The following DDX42 variants were observed in gnomAD, a reference collection of about 807,000 sequenced individuals.
The protein encoded by DDX42 is DEAD-box helicase 42, also known as ATP-dependent RNA helicase DDX42.
A neutral mutation model predicts 101.5 loss-of-function variants in DDX42; 22 were observed. The ratio of observed to expected loss-of-function variants is 0.22; its 90% confidence interval spans 0.15 to 0.31. The LOEUF is 0.31. DDX42 is among the 10% of genes least tolerant of loss of function. DDX42 has a pLI of 1.00. For missense variants in DDX42, 849 were observed against 1,199.9 expected, an observed-to-expected ratio of 0.71 and a Z score of 4.32; for synonymous variants, 402 against 401.2, an observed-to-expected ratio of 1.00 and a Z score of -0.02.
intron 1 of DDX42, among the ~76,000 whole-genome samples, chr17:63,785,683 G>T (rs2039539993): frequency 6.6e-6 from 1 of 151,886 alleles, no homozygotes; most frequent in Admixed American, 6.6e-5. Flanking sequence ...TTTTATGAAT[G>T]CACAAGAAAT....
At position 63,818,490 on chromosome 17, in the gene DDX42, T is replaced by C; in HGVS notation, c.*92T>C. On this transcript the variant is annotated 3_prime_UTR_variant, in exon 18 of 18. Coordinates refer to ENST00000389924, the MANE Select transcript of DDX42 (RefSeq NM_203499.3). ...CTCAGGGCTGGGTTGGGGTCCAAAG[T>C]GTAAGGACCCCCTGCCCTTAGTGGA... is the stretch of plus-strand genomic sequence containing the variant. 1 of 1,183,668 alleles carries C rather than the reference T, an allele frequency of 8.4e-7. No homozygotes were observed. The highest frequency in any genetic ancestry group is 2.5e-5 in the East Asian group (1 of 39,338). The allele number at this position is 1,183,668 out of a possible 1,614,324, so 73.3% of individuals were successfully genotyped here. A position where few individuals can be genotyped will look rare whatever the true frequency, so the allele number is the denominator to read the frequency against.
intron 3 of DDX42, among the ~76,000 whole-genome samples, chr17:63,794,474 C>T (rs2039667804): frequency 6.6e-6 from 1 of 151,778 alleles, no homozygotes; most frequent in African/African-American, 2.4e-5. Context: ...CATGCCACTA[C>T]TCAGCCTGGA....
chr17:63,787,405 T>C, intron 2 of DDX42, 135 bp downstream of exon 2: 3 of 951,060 alleles, frequency 3.2e-6, no homozygotes, highest in Non-Finnish European at 4.6e-6. Context: ...CTGAATTCCA[T>C]TGTTCCTAAT....
At chr17:63,799,552 T>C (rs771815274) in intron 4 of DDX42, 37 bp from the exon 5 acceptor site, 1 of 1,611,866 alleles carries the variant, frequency 6.2e-7, no homozygotes, top group Non-Finnish European at 8.5e-7. Flanking sequence ...ATGTGGAACA[T>C]TTGCAGGGAA....
chr17:63,785,734 G>A (rs1225442743), intron 1 of DDX42, among the ~76,000 whole-genome samples: 9 of 152,156 alleles, frequency 5.9e-5, no homozygotes, highest in Admixed American at 5.9e-4. Flanking sequence ...GAATACTTCA[G>A]GCAACATGTC....
At chr17:63,774,478 CAA>C (rs1216677516) in intron 1 of DDX42, 102 bp downstream of exon 1, 3 of 193,774 alleles carry the variant, frequency 1.5e-5, no homozygotes, top group Non-Finnish European at 3.1e-5. Flanking sequence ...CCTCGCTTAA[CAA>C]AGAGTCGGCA....
rs759081176 is a variant in DDX42, at chr17:63,792,435, AT to A, written c.247del (p.Ser83LeufsTer25). The A allele has an allele frequency of 6.2e-7, 1 of 1,613,050 alleles. No individual in the cohort carries two copies. The highest frequency in any genetic ancestry group is 1.7e-5 in the Admixed American group (1 of 59,818). ...ENAYFEDEEE[D>X]SSNVDLPYIP... The stretch of plus-strand genomic sequence containing the variant: ...AGCTATTTTGAAGATGAGGAAGAAG[AT>A]TCTAGCAACGTTGATTTACCTTACA... On this transcript the variant is annotated frameshift_variant, in exon 3 of 18. Transcript: ENST00000389924. LOFTEE classifies it high-confidence loss of function.
chr17:63,801,703 C>T (rs2039772370), intron 6 of DDX42, among the ~76,000 whole-genome samples: 1 of 152,104 alleles, frequency 6.6e-6, no homozygotes, highest in African/African-American at 2.4e-5. Flanking sequence ...GATCCACCCA[C>T]CTTGGTCTCC....
At chr17:63,805,914 A>G (rs1197432577) in intron 7 of DDX42, 1 of 152,276 alleles carries the variant, frequency 6.6e-6, no homozygotes, top group African/African-American at 2.4e-5. Context: ...GATTGGAAAT[A>G]TCAACATCAC....
intron 1 of DDX42, among the ~76,000 whole-genome samples, chr17:63,775,419 ATATAT>A (rs1182308692): frequency 1.3e-5 from 2 of 152,168 alleles, no homozygotes; most frequent in Non-Finnish European, 2.9e-5. Context: ...AAACAGATAC[ATATAT>A]TATACTGAAT....
rs184999793 is a variant in DDX42 at position 63,787,819 on chromosome 17, C to T, written c.221+549C>T. On this transcript the variant is annotated intron_variant, in intron 2 of 17. Transcript: ENST00000389924. ...TGGTGCCATTGCACTCCAACCTGGG[C>T]GACAGAGCAAGACTCCCATCTCAGA... Among the ~76,000 whole-genome samples, 86 of 150,888 alleles carry T rather than the reference C, an allele frequency of 5.7e-4. No individual in the cohort carries two copies. In the East Asian group the frequency reaches 0.015, roughly 26 times the overall value.
At chr17:63,774,648 C>T (rs996290391) in intron 1 of DDX42, 1 of 152,954 alleles carries the variant, frequency 6.5e-6, no homozygotes, top group Non-Finnish European at 1.5e-5. Context: ...GGCGGCGCCC[C>T]CTCGCCTAGG....
chr17:63,797,970 C>T, intron 3 of DDX42, 68 bp from the exon 4 acceptor site: 1 of 1,456,668 alleles, frequency 6.9e-7, no homozygotes, highest in Non-Finnish European at 9.4e-7. Context: ...GCACTTGTTC[C>T]AATCTAAAAA....
chr17:63,815,300 A>G (rs1261234866), intron 15 of DDX42, among the ~76,000 whole-genome samples: 3 of 152,246 alleles, frequency 2.0e-5, no homozygotes, highest in Non-Finnish European at 4.4e-5. Flanking sequence ...TACCTGAACA[A>G]CTTCCCTTCC....
chr17:63,808,808 A>G lies in DDX42; in HGVS notation c.1024-12A>G, dbSNP rs767112495. 2.5e-6 allele frequency: 4 copies of G among 1,613,436 alleles called. No homozygotes were observed. Among genetic ancestry groups the G allele is most frequent in the Non-Finnish European group, 3.4e-6 (4 of 1,179,632 alleles). On this transcript the variant is annotated splice_polypyrimidine_tract_variant and intron_variant, in intron 9 of 17. Coordinates refer to ENST00000389924, the MANE Select transcript of DDX42 (RefSeq NM_203499.3). ...GTCACAGTTTGTTAATATATTATTC[A>G]CAACTTTGTAGATCCATGCAGAATG...
chr17:63,791,603 G>A (rs1311692072), intron 2 of DDX42, among the ~76,000 whole-genome samples: 1 of 152,120 alleles, frequency 6.6e-6, no homozygotes, highest in Non-Finnish European at 1.5e-5. Context: ...GAGCCACCAC[G>A]CCTGGCCTGA....
chr17:63,804,780 TG>T (rs770366626), intron 6 of DDX42, among the ~76,000 whole-genome samples: 2 of 151,854 alleles, frequency 1.3e-5, no homozygotes, highest in Non-Finnish European at 2.9e-5. Flanking sequence ...ACCGGGGAGG[TG>T]GAGGCTGCAG....
intron 1 of DDX42, among the ~76,000 whole-genome samples, chr17:63,780,534 C>T (rs2039475553): frequency 1.3e-5 from 2 of 152,126 alleles, no homozygotes; most frequent in South Asian, 4.1e-4. Context: ...GGATATAGTG[C>T]TGGACAAATT....
chr17:63,803,609 A>ATACTGTCC (rs1283811692), intron 6 of DDX42, among the ~76,000 whole-genome samples: 1 of 151,060 alleles, frequency 6.6e-6, no homozygotes, highest in Non-Finnish European at 1.5e-5. Flanking sequence ...GGCTACTAAA[A>ATACTGTCC]TACTGTCCTC....
Sources: gnomAD v4.1 joint callset for allele counts (sites outside exome capture counted in the v4.1 genomes callset) on GRCh38, gnomAD v4.1.1 for gene constraint, MANE v1.5 for transcripts, NCBI Gene and HGNC (gene_info 2026-07-23, HGNC 2026-07-21) for gene names.